STAT3: variants seen among roughly 807,000 people sequenced by gnomAD.
The protein encoded by STAT3 is signal transducer and activator of transcription 3.
In STAT3, 7 loss-of-function variants were observed where a neutral mutation model predicts 114.3. The ratio of observed to expected loss-of-function variants is 0.06; its 90% confidence interval spans 0.03 to 0.11. STAT3 has a LOEUF of 0.11. STAT3 is among the 10% of genes least tolerant of loss of function. STAT3 has a pLI of 1.00. For synonymous variants in STAT3, 331 were observed against 354.5 expected, an observed-to-expected ratio of 0.93 and a Z score of 0.74; for missense variants, 364 against 960.9, an observed-to-expected ratio of 0.38 and a Z score of 8.21.
intron 14 of STAT3, among the ~76,000 whole-genome samples, chr17:42,327,633 C>T (rs2081787663): frequency 6.6e-6 from 1 of 152,120 alleles, no homozygotes; most frequent in Non-Finnish European, 1.5e-5. Context: ...GGAATGGCAC[C>T]GTTGGTTTAC....
In STAT3 at chr17:42,322,475, G is replaced by T. The variant is rs1178410429; in HGVS notation, c.1908C>A (p.Ser636=). ...GCTGCTGCTTTGTGTATGGTTCCAC[G>T]GACTGGATCTGGGTCTTACCTGTCA... is the stretch of plus-strand genomic sequence containing the variant. The part of the protein sequence containing the change: ...KDISGKTQIQ[S]VEPYTKQQLN... The change falls in exon 21 of 24, where the codon TCC becomes TCA. Residue 636 remains serine, a synonymous_variant. Transcript: ENST00000264657. The T allele has an allele frequency of 6.2e-7, 1 of 1,614,202 alleles. No individual in the cohort carries two copies. The highest frequency in any genetic ancestry group is 8.5e-7 in the Non-Finnish European group (1 of 1,180,046).
intron 21 of STAT3, among the ~76,000 whole-genome samples, chr17:42,322,000 T>A (rs1190908652): frequency 2.0e-5 from 3 of 152,052 alleles, no homozygotes; most frequent in Admixed American, 6.6e-5. Context: ...TTTTTTTGGA[T>A]TTTTTGTAGA....
In STAT3 at chr17:42,347,203, A is replaced by AAAAAC. The variant is rs576843040; in HGVS notation, c.129-491_129-490insGTTTT. ...CCATCTCAAAAAAAAAAAAAAAAAA[A>AAAAAC]CCACAAAACAAAAAAACAATTATTC... On this transcript the variant is annotated intron_variant, in intron 2 of 23. Coordinates refer to ENST00000264657, the MANE Select transcript of STAT3 (RefSeq NM_139276.3). Among the ~76,000 whole-genome samples, 7 of 144,872 alleles carry AAAAAC rather than the reference A, an allele frequency of 4.8e-5. 1 individual carries two copies. The highest frequency in any genetic ancestry group is 2.1e-4 in the East Asian group (1 of 4,794).
Position 42,319,220 on chromosome 17 carries a change from A to G in STAT3, c.2102-1996T>C, listed in dbSNP as rs1598385183. On this transcript the variant is annotated intron_variant, in intron 21 of 23. Coordinates refer to ENST00000264657, the MANE Select transcript of STAT3 (RefSeq NM_139276.3). ...ACCACTGCACTCCAGCCTGGGTGAC[A>G]GAGTGACAGACTGTCAAAACAAAAC... Among the ~76,000 whole-genome samples, 3 of 152,034 alleles carry G rather than the reference A, an allele frequency of 2.0e-5. No individual in the cohort carries two copies. The South Asian group carries it at 6.2e-4, about 32-fold the overall frequency.
At chr17:42,315,954 A>C (rs1598378404) in intron 23 of STAT3, 154 bp from the exon 24 acceptor site, 1 of 1,524,522 alleles carries the variant, frequency 6.6e-7, no homozygotes, top group Non-Finnish European at 8.8e-7. Flanking sequence ...AGCCAGATTT[A>C]CCCTCCTCCC....
chr17:42,376,814 C>A (rs2084497000), intron 1 of STAT3, among the ~76,000 whole-genome samples: 1 of 150,854 alleles, frequency 6.6e-6, no homozygotes. Context: ...CCACTGCACT[C>A]CAGCCTGGGC....
At chr17:42,360,171 G>A (rs2083443463) in intron 1 of STAT3, among the ~76,000 whole-genome samples, 1 of 151,182 alleles carries the variant, frequency 6.6e-6, no homozygotes, top group Admixed American at 6.6e-5. Context: ...CGGAATGTCT[G>A]TTCTTCACCA....
intron 4 of STAT3, among the ~76,000 whole-genome samples, chr17:42,343,169 C>CA (rs200877459): frequency 0.033 from 2,042 of 62,228 alleles, 60 homozygotes; most frequent in African/African-American, 0.088. Context: ...GAGACTGTCT[C>CA]AAAAAAAAAA....
chr17:42,345,974 A>G (rs1598440116), intron 3 of STAT3, among the ~76,000 whole-genome samples: 1 of 151,460 alleles, frequency 6.6e-6, no homozygotes, highest in African/African-American at 2.4e-5. Context: ...CCCAGGCTCA[A>G]ACAATTTTCT....
intron 1 of STAT3, among the ~76,000 whole-genome samples, chr17:42,365,121 A>G (rs1365620493): frequency 1.1e-4 from 16 of 152,128 alleles, no homozygotes; most frequent in Non-Finnish European, 2.4e-4. Flanking sequence ...CCTTCCTTTG[A>G]ATCTAGCTAA....
At chr17:42,323,912 C>T (rs2081590245) in intron 17 of STAT3, among the ~76,000 whole-genome samples, 1 of 152,216 alleles carries the variant, frequency 6.6e-6, no homozygotes, top group Non-Finnish European at 1.5e-5. Context: ...CAGCAGCACT[C>T]ACTAACAAGC....
chr17:42,347,835 T>C (rs2082767360), intron 2 of STAT3, among the ~76,000 whole-genome samples: 1 of 152,226 alleles, frequency 6.6e-6, no homozygotes, highest in Admixed American at 6.5e-5. Flanking sequence ...CCTTCCGCCA[T>C]GATTGGAAGC....
At chr17:42,342,239 T>A (rs1221394193) in intron 4 of STAT3, among the ~76,000 whole-genome samples, 1 of 152,004 alleles carries the variant, frequency 6.6e-6, no homozygotes, top group Non-Finnish European at 1.5e-5. Flanking sequence ...TCCCAGCACT[T>A]TGGGAGGCCG....
intron 4 of STAT3, among the ~76,000 whole-genome samples, chr17:42,339,647 CT>C (rs1379512479): frequency 1.3e-5 from 2 of 152,094 alleles, no homozygotes; most frequent in Non-Finnish European, 2.9e-5. Context: ...AAGACATGGT[CT>C]ATGCCTTCAA....
intron 1 of STAT3, among the ~76,000 whole-genome samples, chr17:42,375,634 G>A (rs549143991): frequency 5.3e-5 from 8 of 151,982 alleles, no homozygotes; most frequent in Admixed American, 6.6e-5. Flanking sequence ...TTCGAGACCA[G>A]CCTGACCAAC....
chr17:42,340,355 C>CAA (rs10706259), intron 4 of STAT3, among the ~76,000 whole-genome samples: 9 of 117,054 alleles, frequency 7.7e-5, no homozygotes, highest in Admixed American at 1.9e-4. Flanking sequence ...AACTCCATCT[C>CAA]AAAAAAAAAA....
In STAT3 at chr17:42,329,466, A is replaced by G; in HGVS notation, c.1234-9T>C. On this transcript the variant is annotated splice_polypyrimidine_tract_variant and intron_variant, in intron 13 of 23. Transcript: ENST00000264657. ...CTCTGCTCCCTCAGGGTCTGTAAGAAAAGAAAAAGGCAGGTGTCCTGTGAG... is the reference window on the plus strand; with the variant it reads ...CTCTGCTCCCTCAGGGTCTGTAAGAGAAGAAAAAGGCAGGTGTCCTGTGAG... 2 of 1,614,226 alleles carry G rather than the reference A, an allele frequency of 1.2e-6. No individual in the cohort carries two copies. The highest frequency in any genetic ancestry group is 1.7e-6 in the Non-Finnish European group (2 of 1,180,046).
intron 1 of STAT3, among the ~76,000 whole-genome samples, chr17:42,363,007 GC>G (rs1191834999): frequency 6.6e-6 from 1 of 152,192 alleles, no homozygotes; most frequent in Non-Finnish European, 1.5e-5. Flanking sequence ...TGGACTGAAA[GC>G]CCCATGAAGA....
intron 10 of STAT3, among the ~76,000 whole-genome samples, chr17:42,331,923 ATCTC>A (rs1004367583): frequency 2.0e-5 from 3 of 149,918 alleles, no homozygotes; most frequent in African/African-American, 7.4e-5. Context: ...GCGAGATCCT[ATCTC>A]TCTTTCTCTT....
Sources: gnomAD v4.1 joint callset for allele counts (sites outside exome capture counted in the v4.1 genomes callset) on GRCh38, gnomAD v4.1.1 for gene constraint, MANE v1.5 for transcripts, NCBI Gene and HGNC (gene_info 2026-07-23, HGNC 2026-07-21) for gene names.